The following ANKRD33B variants were observed in gnomAD, a reference collection of about 807,000 sequenced individuals.
ANKRD33B encodes ankyrin repeat domain 33B.
Under a neutral mutation model 21.5 loss-of-function variants are expected in ANKRD33B, and 6 were observed. The ratio of observed to expected loss-of-function variants is 0.28; its 90% confidence interval spans 0.15 to 0.55. ANKRD33B has a LOEUF of 0.55. Ranked by LOEUF, ANKRD33B falls within the 20% of genes least tolerant of loss-of-function variation. The pLI is 0.94. For missense variants in ANKRD33B, 698 were observed against 747.2 expected (o/e 0.93, Z 0.77); for synonymous variants, 347 against 342.4 (o/e 1.01, Z -0.15).
At chr5:10,646,618 T>C (rs1737194147) in intron 3 of ANKRD33B, among the ~76,000 whole-genome samples, 1 of 152,256 alleles carries the variant, frequency 6.6e-6, no homozygotes, top group African/African-American at 2.4e-5. Flanking sequence ...TCATTAAGAT[T>C]TTAATTTTAT....
chr5:10,644,764 A>AT (rs1737152447), intron 3 of ANKRD33B, among the ~76,000 whole-genome samples: 1 of 152,230 alleles, frequency 6.6e-6, no homozygotes, highest in Non-Finnish European at 1.5e-5. Context: ...GTTTGAAGTC[A>AT]TTAGCCAGAG....
rs1473907104 is a variant in ANKRD33B at position 10,564,796 on chromosome 5, G to A, written c.329G>A (p.Ser110Asn). Residue 110 changes from serine to asparagine, a missense_variant, in exon 1 of 4, where the codon AGC becomes AAC. Coordinates refer to ENST00000296657, the MANE Select transcript of ANKRD33B (RefSeq NM_001164440.2). ...CGGACGCTGGTGCGGCGCGGGGTGA[G>A]CGTCGAGGAGGCGCAGGAGACTGAC... ...LLRTLVRRGV[S>N]VEEAQETDRN... The A allele has an allele frequency of 5.9e-6, 9 of 1,522,276 alleles. No homozygotes were observed. In the African/African-American group the frequency reaches 9.6e-5, roughly 16 times the overall value. The allele number at this position is 1,522,276 out of a possible 1,614,324, so 94.3% of individuals were successfully genotyped here. A position where few individuals can be genotyped will look rare whatever the true frequency, so the allele number is the denominator to read the frequency against.
intron 1 of ANKRD33B, among the ~76,000 whole-genome samples, chr5:10,577,097 C>CCCCTTCCCCTTT (rs1421881588): frequency 2.0e-5 from 3 of 148,822 alleles, no homozygotes; most frequent in Admixed American, 1.3e-4. Flanking sequence ...CCTTTCCCTT[C>CCCCTTCCCCTTT]CCCTTCCCCT....
chr5:10,641,208 G>GTCT (rs554853704), intron 3 of ANKRD33B, among the ~76,000 whole-genome samples: 53 of 122,076 alleles, frequency 4.3e-4, no homozygotes, highest in Middle Eastern at 6.0e-3. Context: ...GTTGTCCCCA[G>GTCT]TCTTCTTCTT....
intron 1 of ANKRD33B, among the ~76,000 whole-genome samples, chr5:10,611,774 T>C (rs563470656): frequency 1.3e-5 from 2 of 152,348 alleles, no homozygotes; most frequent in Admixed American, 1.3e-4. Flanking sequence ...ATAGATGGCA[T>C]ATCGTAGAAA....
chr5:10,603,607 G>C (rs1296523945), intron 1 of ANKRD33B, among the ~76,000 whole-genome samples: 1 of 152,126 alleles, frequency 6.6e-6, no homozygotes, highest in East Asian at 1.9e-4. Flanking sequence ...AATAAAAATA[G>C]ATGTTCATTG....
intron 1 of ANKRD33B, among the ~76,000 whole-genome samples, chr5:10,568,100 T>C (rs2126541876): frequency 6.6e-6 from 1 of 152,378 alleles, no homozygotes; most frequent in South Asian, 2.1e-4. Context: ...ATGCATTCTC[T>C]CCTGCCTCCT....
intron 1 of ANKRD33B, among the ~76,000 whole-genome samples, chr5:10,617,328 G>A (rs114177422): frequency 1.3e-4 from 20 of 152,262 alleles, no homozygotes; most frequent in African/African-American, 4.6e-4. Flanking sequence ...TGAAGTCTGC[G>A]TGCCATCTGT....
chr5:10,618,118 G>A (rs910600471), intron 1 of ANKRD33B, among the ~76,000 whole-genome samples: 5 of 152,204 alleles, frequency 3.3e-5, no homozygotes, highest in Non-Finnish European at 7.3e-5. Context: ...ATGTTTTCAC[G>A]TCTAGGCCCT....
intron 3 of ANKRD33B, among the ~76,000 whole-genome samples, chr5:10,646,152 A>G (rs1737184244): frequency 6.6e-6 from 1 of 152,188 alleles, no homozygotes; most frequent in African/African-American, 2.4e-5. Context: ...GTGTAGACTT[A>G]GAGCACTCAA....
At chr5:10,641,517 C>T (rs890331775) in intron 3 of ANKRD33B, among the ~76,000 whole-genome samples, 5 of 152,008 alleles carry the variant, frequency 3.3e-5, no homozygotes, top group East Asian at 3.9e-4. Context: ...GTGTGAGCCA[C>T]CGCGCCCTGC....
chr5:10,587,935 T>G (rs1394350097), intron 1 of ANKRD33B, among the ~76,000 whole-genome samples: 1 of 152,200 alleles, frequency 6.6e-6, no homozygotes, highest in African/African-American at 2.4e-5. Context: ...TCTTATTGGC[T>G]CTCTGGGCAG....
At chr5:10,582,828 T>G (rs1735472074) in intron 1 of ANKRD33B, among the ~76,000 whole-genome samples, 1 of 152,222 alleles carries the variant, frequency 6.6e-6, no homozygotes, top group South Asian at 2.1e-4. Flanking sequence ...AGTTCGCAAC[T>G]TGGTATAGAT....
At chr5:10,600,696 G>C (rs577307284) in intron 1 of ANKRD33B, among the ~76,000 whole-genome samples, 1 of 152,288 alleles carries the variant, frequency 6.6e-6, no homozygotes, top group Non-Finnish European at 1.5e-5. Context: ...GGAGTTGCTG[G>C]CTCATAAGGT....
At chr5:10,602,815 ATTT>A (rs5865898) in intron 1 of ANKRD33B, among the ~76,000 whole-genome samples, 1 of 143,792 alleles carries the variant, frequency 7.0e-6, no homozygotes. Context: ...ATTGCTTGTC[ATTT>A]TTTTTTTTTT....
In ANKRD33B at chr5:10,637,649, C is replaced by T. The variant is rs75214551; in HGVS notation, c.497-379C>T. On this transcript the variant is annotated intron_variant, in intron 2 of 3. Coordinates refer to ENST00000296657, the MANE Select transcript of ANKRD33B (RefSeq NM_001164440.2). ...ATTTGCAGCTTTGCATCTGTTTGCACGGGCGTCTCCTGCTGGGAGTTGAGG... is the reference window on the plus strand; with the variant it reads ...ATTTGCAGCTTTGCATCTGTTTGCATGGGCGTCTCCTGCTGGGAGTTGAGG... Among the ~76,000 whole-genome samples the T allele has an allele frequency of 2.3e-4, 35 of 152,160 alleles. 1 individual carries two copies. In the South Asian group the frequency reaches 6.2e-3, roughly 27 times the overall value.
Position 10,631,379 on chromosome 5 carries a change from C to T in ANKRD33B, c.497-6649C>T, listed in dbSNP as rs149150673. ...CAGTGGGCAGGGAGTGGCTGTCAAG[C>T]ACAGGAGGGGAGGAGCAGGGATAAG... On this transcript the variant is annotated intron_variant, in intron 2 of 3. Coordinates refer to ENST00000296657, the MANE Select transcript of ANKRD33B (RefSeq NM_001164440.2). Among the ~76,000 whole-genome samples, 649 of 152,278 alleles carry T rather than the reference C, an allele frequency of 4.3e-3. 2 individuals are homozygous for T. Among genetic ancestry groups the T allele is most frequent in the Admixed American group, 6.5e-3 (100 of 15,300 alleles).
chr5:10,650,008 C>T lies in ANKRD33B; in HGVS notation c.1380C>T (p.Tyr460=), dbSNP rs1737301748. 1.3e-6 allele frequency: 2 copies of T among 1,533,366 alleles called. No homozygotes were observed. Among genetic ancestry groups the T allele is most frequent in the East Asian group, 4.9e-5 (2 of 40,678 alleles). The allele number at this position is 1,533,366 out of a possible 1,614,324, so 95.0% of individuals were successfully genotyped here. A position where few individuals can be genotyped will look rare whatever the true frequency, so the allele number is the denominator to read the frequency against. The change falls in exon 4 of 4, where the codon TAC becomes TAT. Residue 460 remains tyrosine, a synonymous_variant. Coordinates refer to ENST00000296657, the MANE Select transcript of ANKRD33B (RefSeq NM_001164440.2). ...ACCTGCAGATCCCCAAGTGGCGGTA[C>T]AAGGAGGCCAAGGAGGAGAAGAGGA... ...SGHLQIPKWR[Y]KEAKEEKRKA...
chr5:10,567,624 C>T (rs1023426811), intron 1 of ANKRD33B, among the ~76,000 whole-genome samples: 2 of 152,196 alleles, frequency 1.3e-5, no homozygotes, highest in Non-Finnish European at 2.9e-5. Context: ...TCCAAGCCTA[C>T]AGAACCTGGA....
Sources: gnomAD v4.1 joint callset for allele counts (sites outside exome capture counted in the v4.1 genomes callset) on GRCh38, gnomAD v4.1.1 for gene constraint, MANE v1.5 for transcripts, NCBI Gene and HGNC (gene_info 2026-07-23, HGNC 2026-07-21) for gene names.